CCDC167: variants seen among roughly 807,000 people sequenced by gnomAD.
CCDC167 encodes coiled-coil domain containing 167, also known as coiled-coil domain-containing protein 167.
In CCDC167, 15 loss-of-function variants were observed where a neutral mutation model predicts 12.7. That is an observed-to-expected ratio of 1.18 (90% CI 0.79 to 1.81). The LOEUF (loss-of-function observed/expected upper bound fraction) is 1.81. CCDC167 is among the 40% of genes most tolerant of loss of function. The pLI, the probability that CCDC167 is intolerant of heterozygous loss-of-function variation, is 0.00. For synonymous variants in CCDC167, 52 were observed against 49.0 expected, an observed-to-expected ratio of 1.06 and a Z score of -0.26; for missense variants, 121 against 120.1, an observed-to-expected ratio of 1.01 and a Z score of -0.03.
At chr6:37,491,330 C>G (rs973877336) in intron 1 of CCDC167, among the ~76,000 whole-genome samples, 1 of 152,228 alleles carries the variant, frequency 6.6e-6, no homozygotes, top group Non-Finnish European at 1.5e-5. Context: ...GGAGGTGGCT[C>G]TCTGCCCACT....
intron 1 of CCDC167, among the ~76,000 whole-genome samples, chr6:37,486,114 C>A (rs1761939742): frequency 6.6e-6 from 1 of 152,202 alleles, no homozygotes; most frequent in Admixed American, 6.5e-5. Context: ...CTCTGTGACC[C>A]TCCCAGCAGC....
intron 1 of CCDC167, among the ~76,000 whole-genome samples, chr6:37,496,689 C>T (rs184829022): frequency 5.4e-4 from 82 of 152,230 alleles, no homozygotes; most frequent in African/African-American, 1.4e-3. Flanking sequence ...GGGCACTTAA[C>T]GCAATGTCTC....
chr6:37,488,122 G>A (rs1056629455), intron 1 of CCDC167, among the ~76,000 whole-genome samples: 3 of 152,214 alleles, frequency 2.0e-5, no homozygotes, highest in Admixed American at 2.0e-4. Flanking sequence ...CCTGGTTCGG[G>A]AAGCTGACAA....
intron 1 of CCDC167, among the ~76,000 whole-genome samples, chr6:37,487,313 GC>G (rs1402304241): frequency 6.6e-6 from 1 of 152,168 alleles, no homozygotes; most frequent in East Asian, 1.9e-4. Context: ...GCCCACCAAG[GC>G]CTAGCCTGCT....
chr6:37,484,281 C>A (rs1293817878), intron 3 of CCDC167, among the ~76,000 whole-genome samples: 1 of 152,228 alleles, frequency 6.6e-6, no homozygotes, highest in Non-Finnish European at 1.5e-5. Context: ...TCCTCCCCAG[C>A]CTTTAGCAGG....
At chr6:37,494,805 A>ATTTTTTATT (rs1554124146) in intron 1 of CCDC167, among the ~76,000 whole-genome samples, 2 of 115,218 alleles carry the variant, frequency 1.7e-5, no homozygotes, top group Non-Finnish European at 3.4e-5. Context: ...CTACCTACAA[A>ATTTTTTATT]TTTTTTTTTT....
chr6:37,485,327 C>T (rs1315533028), intron 1 of CCDC167, 133 bp from the exon 2 acceptor site: 4 of 665,638 alleles, frequency 6.0e-6, no homozygotes, highest in South Asian at 3.6e-5. Context: ...GCAGGGCACC[C>T]AGGCCTGTCT....
chr6:37,486,819 G>T (rs1761948002), intron 1 of CCDC167, among the ~76,000 whole-genome samples: 1 of 152,210 alleles, frequency 6.6e-6, no homozygotes, highest in Non-Finnish European at 1.5e-5. Flanking sequence ...TCAGGGAAGA[G>T]CGGCAGCCCC....
chr6:37,488,851 C>A (rs1761978486), intron 1 of CCDC167, among the ~76,000 whole-genome samples: 1 of 152,254 alleles, frequency 6.6e-6, no homozygotes, highest in African/African-American at 2.4e-5. Context: ...TAAGTGTTTG[C>A]TATCTTTATT....
chr6:37,485,285 G>A, intron 1 of CCDC167, 91 bp from the exon 2 acceptor site: 2 of 953,284 alleles, frequency 2.1e-6, no homozygotes, highest in East Asian at 2.4e-5. Context: ...GAGTCTTCTT[G>A]GACAGGTGTT....
chr6:37,484,761 G>C (rs1467826695), intron 3 of CCDC167, 49 bp downstream of exon 3: 2 of 1,610,172 alleles, frequency 1.2e-6, no homozygotes, highest in Non-Finnish European at 8.5e-7. Context: ...ACCCTTCCTG[G>C]TTCTGGGGAC....
At chr6:37,494,307 C>T (rs1762069667) in intron 1 of CCDC167, among the ~76,000 whole-genome samples, 1 of 152,184 alleles carries the variant, frequency 6.6e-6, no homozygotes, top group Non-Finnish European at 1.5e-5. Flanking sequence ...AGGTGATCCG[C>T]CCGCCTGGGC....
At position 37,485,164 on chromosome 6, in the gene CCDC167, A is replaced by G. The variant is rs758580335; in HGVS notation, c.73T>C (p.Cys25Arg). Reference sequence around the variant, plus strand: ...TTCACGGCCTCCAGGTCTCTCCGACACTGGGACAGCTTCTCCTCTAGCCCA... The same window carrying G: ...TTCACGGCCTCCAGGTCTCTCCGACGCTGGGACAGCTTCTCCTCTAGCCCA... The part of the protein sequence containing the change: ...IDGLEEKLSQ[C>R]RRDLEAVNSR... The change falls in exon 2 of 4, where the codon TGT (cysteine) becomes CGT (arginine). Residue 25 changes from cysteine to arginine, a missense_variant. Transcript: ENST00000373408. The G allele has an allele frequency of 1.2e-6, 2 of 1,613,648 alleles. No homozygotes were observed. Among genetic ancestry groups the G allele is most frequent in the Non-Finnish European group, 1.7e-6 (2 of 1,179,990 alleles).
Position 37,486,067 on chromosome 6 carries a change from C to T in CCDC167, c.43-873G>A, listed in dbSNP as rs559633683. On this transcript the variant is annotated intron_variant, in intron 1 of 3. Coordinates refer to ENST00000373408, the MANE Select transcript of CCDC167 (RefSeq NM_138493.3). ...TAGCTGGCCACCTCTCTGGCTGGGG[C>T]GAGCCTGGGTGTCAGTGGGTGGAAG... 1.8e-4 allele frequency among the ~76,000 whole-genome samples: 27 copies of T among 152,260 alleles called. No homozygotes were observed. The South Asian group carries it at 4.8e-3, about 27-fold the overall frequency.
Position 37,483,292 on chromosome 6 carries a change from G to A in CCDC167, c.191-3C>T. On this transcript the variant is annotated splice_polypyrimidine_tract_variant and splice_region_variant and intron_variant, in intron 3 of 3. Transcript: ENST00000373408. ...CCGAAGAAACTTCAGTTCCTTCTCT[G>A]GGAGGAAAGAGGGTGATAGGGATAG... 2.5e-6 allele frequency: 4 copies of A among 1,607,214 alleles called. No homozygotes were observed. The highest frequency in any genetic ancestry group is 3.4e-6 in the Non-Finnish European group (4 of 1,173,808).
At chr6:37,497,575 A>G (rs1762114434) in intron 1 of CCDC167, among the ~76,000 whole-genome samples, 2 of 151,784 alleles carry the variant, frequency 1.3e-5, no homozygotes, top group Admixed American at 6.6e-5. Context: ...AAACAGCAAA[A>G]TCAGGCAGTG....
intron 1 of CCDC167, among the ~76,000 whole-genome samples, chr6:37,488,754 C>G (rs1258500936): frequency 6.6e-6 from 1 of 152,270 alleles, no homozygotes; most frequent in Non-Finnish European, 1.5e-5. Flanking sequence ...AAGATAACCA[C>G]ATTTCATATT....
rs1761920932 is a variant in CCDC167, at chr6:37,484,852, C to T, written c.148G>A (p.Glu50Lys). 6.2e-7 allele frequency: 1 copy of T among 1,614,268 alleles called. No individual in the cohort carries two copies. Among genetic ancestry groups the T allele is most frequent in the Non-Finnish European group, 8.5e-7 (1 of 1,180,046 alleles). ...TTCATTAGGCTGTTTTTCTCCTTCT[C>T]CAGGGACCTCCTGTGAGGGGAAAGG... ...ELSPEARRSL[E>K]KEKNSLMNKA... is the part of the protein sequence containing the mutation. The change falls in exon 3 of 4, where the codon GAG becomes AAG. Residue 50 changes from glutamate (E) to lysine (K), a missense_variant. Physicochemically the swap from Glu to Lys is moderately conservative, Grantham distance 56 (BLOSUM62 1). Transcript: ENST00000373408.
chr6:37,496,343 G>C (rs1038818611), intron 1 of CCDC167, among the ~76,000 whole-genome samples: 6 of 152,166 alleles, frequency 3.9e-5, no homozygotes, highest in African/African-American at 1.4e-4. Flanking sequence ...TAAGGCACGA[G>C]AATTGCTTGA....
Sources: allele counts gnomAD v4.1 joint callset (sites outside exome capture counted in the v4.1 genomes callset), GRCh38; gene constraint gnomAD v4.1.1; transcripts MANE v1.5; gene names NCBI Gene and HGNC (gene_info 2026-07-23, HGNC 2026-07-21).